TTC28: variants seen among roughly 807,000 people sequenced by gnomAD.
TTC28 encodes tetratricopeptide repeat domain 28.
In TTC28, 61 loss-of-function variants were observed where a neutral mutation model predicts 198.0. The observed-to-expected ratio is 0.31, with a 90% CI of 0.25 to 0.38. TTC28 has a LOEUF of 0.38. TTC28 is among the 10% of genes least tolerant of loss of function. The probability of loss-of-function intolerance (pLI) is 1.00; values close to 1 mark genes in which losing one functional copy is unlikely to be tolerated. For synonymous variants in TTC28, 1,171 were observed against 1,297.8 expected, an observed-to-expected ratio of 0.90 and a Z score of 2.10; for missense variants, 2,678 against 3,164.0, an observed-to-expected ratio of 0.85 and a Z score of 3.69.
intron 16 of TTC28, chr22:27,998,255 G>C (rs186330608): frequency 8.2e-5 from 42 of 515,142 alleles, no homozygotes; most frequent in Middle Eastern, 1.0e-3. Flanking sequence ...AAATGAGGGT[G>C]CCATGGAATG....
intron 5 of TTC28, among the ~76,000 whole-genome samples, chr22:28,239,438 A>C (rs1254385811): frequency 2.0e-5 from 3 of 152,220 alleles, no homozygotes; most frequent in Non-Finnish European, 4.4e-5. Flanking sequence ...AATCCATCAG[A>C]GAAGTGAAGT....
At chr22:28,206,804 A>G (rs1177908884) in intron 5 of TTC28, among the ~76,000 whole-genome samples, 2 of 152,186 alleles carry the variant, frequency 1.3e-5, no homozygotes, top group Admixed American at 1.3e-4. Flanking sequence ...TGCCATCCTC[A>G]TTAGTACTTT....
At chr22:28,221,484 C>T (rs1275077689) in intron 5 of TTC28, among the ~76,000 whole-genome samples, 1 of 152,194 alleles carries the variant, frequency 6.6e-6, no homozygotes, top group Non-Finnish European at 1.5e-5. Flanking sequence ...CAAGAGAAGA[C>T]AAGAACTGGC....
At chr22:28,294,919 G>A (rs1295300670) in intron 5 of TTC28, among the ~76,000 whole-genome samples, 1 of 152,064 alleles carries the variant, frequency 6.6e-6, no homozygotes, top group African/African-American at 2.4e-5. Flanking sequence ...GACCTATCTG[G>A]ACAACTATGC....
chr22:28,378,325 T>C (rs1425102105), intron 2 of TTC28, among the ~76,000 whole-genome samples: 5 of 127,218 alleles, frequency 3.9e-5, no homozygotes, highest in African/African-American at 1.5e-4. Flanking sequence ...CAATCTAGGA[T>C]ACAGAGTGAG....
At chr22:28,181,081 C>G (rs980107109) in intron 5 of TTC28, among the ~76,000 whole-genome samples, 2 of 152,190 alleles carry the variant, frequency 1.3e-5, no homozygotes, top group African/African-American at 4.8e-5. Context: ...GTGATAGTTA[C>G]AGCTTCTCCA....
intron 16 of TTC28, 31 bp downstream of exon 16, chr22:27,998,505 CCTTG>C (rs1569075173): frequency 6.5e-7 from 1 of 1,529,388 alleles, no homozygotes; most frequent in Non-Finnish European, 8.8e-7. Flanking sequence ...GAGCCCCAGG[CCTTG>C]ACAGGCACCC....
chr22:28,315,795 A>G (rs573198022), intron 2 of TTC28, among the ~76,000 whole-genome samples: 3 of 152,308 alleles, frequency 2.0e-5, no homozygotes, highest in South Asian at 2.1e-4. Context: ...ACCACAATGT[A>G]GCAGTCTCAG....
intron 1 of TTC28, among the ~76,000 whole-genome samples, chr22:28,674,853 T>C (rs193080428): frequency 4.7e-5 from 7 of 150,156 alleles, no homozygotes. Flanking sequence ...ACATGATCAT[T>C]GTAAAAATCC....
intron 12 of TTC28, among the ~76,000 whole-genome samples, chr22:28,072,354 T>A (rs528184318): frequency 6.6e-6 from 1 of 152,312 alleles, no homozygotes; most frequent in Middle Eastern, 3.4e-3. Flanking sequence ...GTACTAGGCA[T>A]GGTCAGGAGC....
At chr22:28,347,862 G>A (rs2045932638) in intron 2 of TTC28, among the ~76,000 whole-genome samples, 2 of 152,248 alleles carry the variant, frequency 1.3e-5, no homozygotes, top group African/African-American at 4.8e-5. Context: ...GTGAGAGAGT[G>A]AGACTCCGTC....
intron 2 of TTC28, among the ~76,000 whole-genome samples, chr22:28,519,699 C>A (rs2048862344): frequency 6.6e-6 from 1 of 152,222 alleles, no homozygotes; most frequent in South Asian, 2.1e-4. Flanking sequence ...ACCCCTCAAC[C>A]TTTTCTTATA....
At chr22:28,316,749 AAT>A (rs1178290547) in intron 2 of TTC28, among the ~76,000 whole-genome samples, 1 of 152,074 alleles carries the variant, frequency 6.6e-6, no homozygotes, top group Non-Finnish European at 1.5e-5. Flanking sequence ...GCCAGTATGA[AAT>A]ATGATTGAAT....
intron 2 of TTC28, among the ~76,000 whole-genome samples, chr22:28,508,888 G>A (rs1201651995): frequency 6.6e-6 from 1 of 151,968 alleles, no homozygotes; most frequent in Non-Finnish European, 1.5e-5. Context: ...ACCTGATAGA[G>A]ATCTACAGAA....
chr22:28,378,604 C>T (rs112965216), intron 2 of TTC28, among the ~76,000 whole-genome samples: 4 of 151,596 alleles, frequency 2.6e-5, no homozygotes, highest in African/African-American at 9.7e-5. Flanking sequence ...TTATGACTGC[C>T]ACCACACTCT....
At chr22:28,407,433 A>G (rs2047014633) in intron 2 of TTC28, among the ~76,000 whole-genome samples, 1 of 151,940 alleles carries the variant, frequency 6.6e-6, no homozygotes, top group Non-Finnish European at 1.5e-5. Context: ...GGAATATGGA[A>G]GAATTGTTAC....
intron 2 of TTC28, among the ~76,000 whole-genome samples, chr22:28,322,462 T>C (rs1272084415): frequency 2.0e-4 from 31 of 152,164 alleles, no homozygotes; most frequent in Admixed American, 2.0e-3. Flanking sequence ...CTCAGGGAGA[T>C]CATTATGATC....
chr22:28,351,889 G>A (rs966740063), intron 2 of TTC28, among the ~76,000 whole-genome samples: 6 of 152,136 alleles, frequency 3.9e-5, no homozygotes, highest in Non-Finnish European at 7.4e-5. Flanking sequence ...GGTCCCTGGG[G>A]ATTTTTCACT....
rs528949160 is a variant in TTC28 at position 28,333,353 on chromosome 22, T to C, written c.382-26710A>G. 5.9e-5 allele frequency among the ~76,000 whole-genome samples: 9 copies of C among 152,196 alleles called. No individual in the cohort carries two copies. The East Asian group carries it at 1.2e-3, about 20-fold the overall frequency. On this transcript the variant is annotated intron_variant, in intron 2 of 22. Coordinates refer to ENST00000397906, the MANE Select transcript of TTC28 (RefSeq NM_001145418.2). ...GAGGGCCTCTTAATTTCAACATAAA[T>C]AGATATAAATAACTTAGTATACAGA... is the stretch of plus-strand genomic sequence containing the variant.
Sources: allele counts gnomAD v4.1 joint callset (sites outside exome capture counted in the v4.1 genomes callset), GRCh38; gene constraint gnomAD v4.1.1; transcripts MANE v1.5; gene names NCBI Gene and HGNC (gene_info 2026-07-23, HGNC 2026-07-21).